The following RLF variants were observed in gnomAD, a reference collection of about 807,000 sequenced individuals.
RLF encodes the protein zinc finger protein Rlf.
Under a neutral mutation model 162.9 loss-of-function variants are expected in RLF, and 7 were observed. The ratio of observed to expected loss-of-function variants is 0.04; its 90% CI spans 0.02 to 0.08. RLF has a LOEUF of 0.08. RLF is among the 10% of genes least tolerant of loss of function. The pLI, the probability that RLF is intolerant of heterozygous loss-of-function variation, is 1.00. For missense variants in RLF, 1,664 were observed against 2,244.7 expected, an observed-to-expected ratio of 0.74 and a Z score of 5.23; for synonymous variants, 782 against 791.5, an observed-to-expected ratio of 0.99 and a Z score of 0.20.
At chr1:40,185,297 C>T (rs1238160760) in intron 1 of RLF, among the ~76,000 whole-genome samples, 2 of 151,054 alleles carry the variant, frequency 1.3e-5, no homozygotes, top group Non-Finnish European at 3.0e-5. Context: ...CGCCCGGCTA[C>T]TTTCTGTATT....
chr1:40,170,386 T>TCTAG (rs1217499399), intron 1 of RLF, among the ~76,000 whole-genome samples: 1 of 152,026 alleles, frequency 6.6e-6, no homozygotes, highest in Non-Finnish European at 1.5e-5. Flanking sequence ...ACCCAGCCTC[T>TCTAG]CTAGTAGCTG....
At chr1:40,220,572 G>C in intron 5 of RLF, among the ~76,000 whole-genome samples, 1 of 152,146 alleles carries the variant, frequency 6.6e-6, no homozygotes, top group South Asian at 2.1e-4. Flanking sequence ...TTGATTCTTA[G>C]TAACTGCTTC....
At chr1:40,217,821 C>T (rs1642945144) in intron 5 of RLF, among the ~76,000 whole-genome samples, 1 of 152,056 alleles carries the variant, frequency 6.6e-6, no homozygotes, top group South Asian at 2.1e-4. Flanking sequence ...TAAGTCACAA[C>T]ATAGCATAAG....
At chr1:40,198,546 C>T (rs543788030) in intron 4 of RLF, among the ~76,000 whole-genome samples, 1 of 152,296 alleles carries the variant, frequency 6.6e-6, no homozygotes, top group Admixed American at 6.5e-5. Context: ...GATGATCCAC[C>T]TGCCTCAGCC....
intron 1 of RLF, among the ~76,000 whole-genome samples, chr1:40,169,194 T>G (rs1642205973): frequency 6.6e-6 from 1 of 152,170 alleles, no homozygotes; most frequent in Non-Finnish European, 1.5e-5. Flanking sequence ...CCAGAGACGT[T>G]AAGTAACTTT....
chr1:40,195,689 G>A lies in RLF; in HGVS notation c.532G>A (p.Val178Ile). ...TAATAACCTACAAATATTGGTTCAT[G>A]TTACCAAGGAAGGGGTGTGGAAAAA... ...GNNNLQILVH[V>I]TKEGVWKNPV... Residue 178 changes from valine to isoleucine, a missense_variant, in exon 4 of 8, where the codon GTT (valine) becomes ATT (isoleucine). Around this residue, in one of 15 missense-constraint regions of RLF, gnomAD observed 287 missense variants for 404.9 expected, o/e 0.71. Transcript: ENST00000372771. 1 of 1,613,500 alleles carries A rather than the reference G, an allele frequency of 6.2e-7. No individual in the cohort carries two copies. Among genetic ancestry groups the A allele is most frequent in the Non-Finnish European group, 8.5e-7 (1 of 1,179,576 alleles).
chr1:40,166,536 T>C (rs188686423), intron 1 of RLF, among the ~76,000 whole-genome samples: 1 of 151,990 alleles, frequency 6.6e-6, no homozygotes, highest in South Asian at 2.1e-4. Context: ...ATCATGCTGC[T>C]TTAAGGACAC....
At position 40,189,183 on chromosome 1, in the gene RLF, CCTCTTAGTG is replaced by C; in HGVS notation, c.369_377del (p.Leu124_Leu126del). ...ACTTAACTACTGAATGTGAAGATGT[CCTCTTAGTG>C]CTTGGCAGATTAGTACTGTAAGTTT... On this transcript the variant is annotated inframe_deletion, in exon 2 of 8. Coordinates refer to ENST00000372771, the MANE Select transcript of RLF (RefSeq NM_012421.4). The C allele has an allele frequency of 6.2e-7, 1 of 1,613,606 alleles. No homozygotes were observed. Among genetic ancestry groups the C allele is most frequent in the Non-Finnish European group, 8.5e-7 (1 of 1,179,804 alleles).
At chr1:40,233,523 C>A (rs2284444) in intron 7 of RLF, among the ~76,000 whole-genome samples, 49,005 of 152,018 alleles carry the variant, frequency 0.32, 9,203 homozygotes, top group African/African-American at 0.52. Flanking sequence ...TGATAAACTT[C>A]TATCACATCA....
At chr1:40,184,692 G>A (rs185089043) in intron 1 of RLF, among the ~76,000 whole-genome samples, 9 of 152,282 alleles carry the variant, frequency 5.9e-5, no homozygotes, top group African/African-American at 1.9e-4. Flanking sequence ...CAAATATGGT[G>A]CGTAAGTGAG....
At chr1:40,175,675 A>G (rs534975389) in intron 1 of RLF, among the ~76,000 whole-genome samples, 1 of 150,714 alleles carries the variant, frequency 6.6e-6, no homozygotes, top group Admixed American at 6.7e-5. Context: ...TTCTCATTCT[A>G]TTCGGGAGGC....
At chr1:40,207,012 C>T (rs995147892) in intron 5 of RLF, among the ~76,000 whole-genome samples, 2 of 152,142 alleles carry the variant, frequency 1.3e-5, no homozygotes, top group African/African-American at 2.4e-5. Context: ...TTTAAAATGA[C>T]CCCTATCACT....
chr1:40,237,193 A>C lies in RLF; in HGVS notation c.2491A>C (p.Asn831His). ...HLSMHNVENS[N>H]GDIKKSVKLE... is the part of the protein sequence containing the mutation. The stretch of plus-strand genomic sequence containing the variant: ...CTCAATGCATAATGTTGAAAATTCA[A>C]ATGGAGACATAAAGAAATCAGTGAA... Residue 831 changes from asparagine to histidine, a missense_variant, in exon 8 of 8, where the codon AAT becomes CAT. Around this residue, in one of 15 missense-constraint regions of RLF, gnomAD observed 295 missense variants for 317.4 expected, o/e 0.93. Transcript: ENST00000372771. The surrounding 1 kb of genome is among the most constrained non-coding windows in gnomAD (Gnocchi z 4.4). 6.2e-7 allele frequency: 1 copy of C among 1,614,008 alleles called. No homozygotes were observed.
intron 6 of RLF, among the ~76,000 whole-genome samples, chr1:40,227,911 G>A (rs1018198610): frequency 6.6e-6 from 1 of 152,126 alleles, no homozygotes; most frequent in Non-Finnish European, 1.5e-5. Context: ...GCTGAGGCAG[G>A]AGAATCGCTT....
chr1:40,178,458 G>A (rs1642356879), intron 1 of RLF, among the ~76,000 whole-genome samples: 1 of 152,068 alleles, frequency 6.6e-6, no homozygotes, highest in Admixed American at 6.6e-5. Flanking sequence ...TAAGATGACA[G>A]GAGTTCAGTG....
At chr1:40,202,949 G>A (rs1298707094) in intron 5 of RLF, among the ~76,000 whole-genome samples, 1 of 151,902 alleles carries the variant, frequency 6.6e-6, no homozygotes, top group African/African-American at 2.4e-5. Flanking sequence ...GTTAATCATG[G>A]CATCAAGGGA....
intron 4 of RLF, among the ~76,000 whole-genome samples, chr1:40,196,787 C>G (rs1390027214): frequency 6.6e-6 from 1 of 152,196 alleles, no homozygotes; most frequent in Non-Finnish European, 1.5e-5. Context: ...AGGCATGAAC[C>G]ACCATATCTG....
chr1:40,221,020 T>C (rs1461377063), intron 5 of RLF, among the ~76,000 whole-genome samples: 1 of 147,792 alleles, frequency 6.8e-6, no homozygotes, highest in Non-Finnish European at 1.5e-5. Context: ...TGGTCCCAGC[T>C]CCTTGAGAAA....
intron 1 of RLF, among the ~76,000 whole-genome samples, chr1:40,162,264 T>C (rs1190880706): frequency 6.6e-6 from 1 of 151,960 alleles, no homozygotes; most frequent in Non-Finnish European, 1.5e-5. Context: ...AGAATAAGGC[T>C]GACTCTTTGA....
Sources: allele counts gnomAD v4.1 joint callset (sites outside exome capture counted in the v4.1 genomes callset), GRCh38; gene constraint gnomAD v4.1.1; regional missense constraint gnomAD v4.1.1; non-coding constraint Gnocchi (gnomAD v3.1); transcripts MANE v1.5; gene names NCBI Gene and HGNC (gene_info 2026-07-23, HGNC 2026-07-21).